Variants in GRAMD4 observed in about 807,000 individuals in gnomAD.
GRAMD4 encodes GRAM domain containing 4, also known as GRAM domain-containing protein 4.
GRAMD4 carries 25 observed loss-of-function variants against 83.9 expected under a neutral mutation model. That is an observed-to-expected ratio of 0.30 (90% confidence interval 0.22 to 0.42). GRAMD4 has a LOEUF of 0.42. GRAMD4 is among the 10% of genes least tolerant of loss of function. GRAMD4 has a pLI of 1.00. For missense variants in GRAMD4, 593 were observed against 788.7 expected (o/e 0.75, Z 2.97); for synonymous variants, 336 against 320.9 (o/e 1.05, Z -0.50).
At chr22:46,581,196 A>G (rs2081095105) in intron 1 of GRAMD4, among the ~76,000 whole-genome samples, 2 of 152,206 alleles carry the variant, frequency 1.3e-5, no homozygotes, top group South Asian at 2.1e-4. Flanking sequence ...CCCAGTGATT[A>G]AAGTCCCCTG....
At chr22:46,616,549 TGC>T (rs201466704), upstream of GRAMD4, among the ~76,000 whole-genome samples, 14 of 145,782 alleles carry the variant, frequency 9.6e-5, no homozygotes, top group South Asian at 2.3e-4. Flanking sequence ...CCCCCGTGTG[TGC>T]AGGTTCCCCT....
chr22:46,609,934 A>T (rs1360457780), intron 1 of GRAMD4, among the ~76,000 whole-genome samples: 1 of 152,136 alleles, frequency 6.6e-6, no homozygotes, highest in African/African-American at 2.4e-5. Context: ...GGCTGTTCTG[A>T]GTCGGTTCGC....
At position 46,663,178 on chromosome 22, in the gene GRAMD4, G is replaced by T. The variant is rs372297328; in HGVS notation, c.599+6G>T. ...GAACCCCTGAGCGCCCGCAGGTAGG[G>T]GTTCGCCGAGCTGGGGCTGCCTGTG... On this transcript the variant is annotated splice_donor_region_variant and intron_variant, in intron 6 of 18. Coordinates refer to ENST00000406902, the MANE Select transcript of GRAMD4 (RefSeq NM_015124.5). The T allele has an allele frequency of 5.6e-6, 9 of 1,609,328 alleles. No individual in the cohort carries two copies. Among genetic ancestry groups the T allele is most frequent in the East Asian group, 2.2e-5 (1 of 44,788 alleles).
At chr22:46,610,026 C>T (rs555983070) in intron 1 of GRAMD4, among the ~76,000 whole-genome samples, 8 of 152,258 alleles carry the variant, frequency 5.3e-5, no homozygotes, top group Admixed American at 6.5e-5. Context: ...GAGAAGCCCC[C>T]AGGCTACGGC....
intron 3 of GRAMD4, among the ~76,000 whole-genome samples, chr22:46,655,805 C>T (rs1419561231): frequency 1.3e-5 from 2 of 152,254 alleles, no homozygotes; most frequent in African/African-American, 4.8e-5. Context: ...TCTGACCCCG[C>T]CTTTGCTCAG....
intron 3 of GRAMD4, among the ~76,000 whole-genome samples, chr22:46,655,884 C>T (rs113782213): frequency 8.1e-5 from 9 of 111,482 alleles, no homozygotes; most frequent in African/African-American, 2.4e-4. Context: ...CTTCAGCTAA[C>T]GCTCTGCCTG....
intron 3 of GRAMD4, among the ~76,000 whole-genome samples, chr22:46,639,174 G>T (rs1000444894): frequency 6.6e-6 from 1 of 151,774 alleles, no homozygotes; most frequent in Non-Finnish European, 1.5e-5. Flanking sequence ...GTGTGTGTGT[G>T]TGTGTGTATG....
At chr22:46,612,987 C>T (rs968294865) in intron 1 of GRAMD4, among the ~76,000 whole-genome samples, 1 of 152,206 alleles carries the variant, frequency 6.6e-6, no homozygotes, top group South Asian at 2.1e-4. Flanking sequence ...GGTCCCTGCT[C>T]GGGAGCTCGT....
chr22:46,631,911 C>T (rs1306071819), intron 2 of GRAMD4, among the ~76,000 whole-genome samples: 3 of 65,658 alleles, frequency 4.6e-5, no homozygotes, highest in Non-Finnish European at 8.7e-5. Flanking sequence ...TAGAACCTCA[C>T]GGCCTGTGTC....
chr22:46,603,407 C>T (rs1316737687), intron 1 of GRAMD4, among the ~76,000 whole-genome samples: 3 of 150,568 alleles, frequency 2.0e-5, no homozygotes, highest in Non-Finnish European at 3.0e-5. Flanking sequence ...GACGCGGTTT[C>T]ACCGTGTTAA....
chr22:46,653,070 C>T (rs1425804816), intron 3 of GRAMD4, among the ~76,000 whole-genome samples: 2 of 152,184 alleles, frequency 1.3e-5, no homozygotes, highest in African/African-American at 2.4e-5. Flanking sequence ...GGGAGAGCAG[C>T]GGTCAGACGC....
intron 1 of GRAMD4, among the ~76,000 whole-genome samples, chr22:46,587,677 CT>C: frequency 6.6e-6 from 1 of 152,030 alleles, no homozygotes; most frequent in East Asian, 2.0e-4. Context: ...TGGGAGAAGC[CT>C]AGGCAGGCAC....
rs1378037483 is a variant in GRAMD4 at position 46,591,289 on chromosome 22, G to T, written c.-50+13999G>T. Among the ~76,000 whole-genome samples the T allele has an allele frequency of 2.6e-5, 4 of 152,324 alleles. No homozygotes were observed. The South Asian group carries it at 6.2e-4, about 24-fold the overall frequency. ...CCCAGCACTTTGAGAGGCTGAGAGG[G>T]GGAGGATTGCGTGAGCTCAGGAGTT... On this transcript the variant is annotated intron_variant, in intron 1 of 1. Transcript: ENST00000431155.
chr22:46,603,618 G>A (rs1273701053), intron 1 of GRAMD4, among the ~76,000 whole-genome samples: 3 of 140,864 alleles, frequency 2.1e-5, no homozygotes, highest in Non-Finnish European at 3.1e-5. Context: ...CCGGGTTCAC[G>A]CCATTCTCCT....
chr22:46,667,540 T>G (rs1241677409), intron 10 of GRAMD4, among the ~76,000 whole-genome samples: 1 of 152,182 alleles, frequency 6.6e-6, no homozygotes, highest in Non-Finnish European at 1.5e-5. Context: ...AGAAGTCTGC[T>G]CTAGAGGGAG....
At chr22:46,668,066 TG>T in intron 10 of GRAMD4, 29 bp from the exon 11 acceptor site, 1 of 1,501,174 alleles carries the variant, frequency 6.7e-7, no homozygotes, top group Non-Finnish European at 9.3e-7. Context: ...TAAATTTCAG[TG>T]GAAAATTCTC....
intron 3 of GRAMD4, among the ~76,000 whole-genome samples, chr22:46,649,507 C>A (rs1010068281): frequency 4.6e-5 from 7 of 152,196 alleles, no homozygotes; most frequent in African/African-American, 1.4e-4. Context: ...GGCTGGGATC[C>A]TAGTTCTTCT....
In GRAMD4 at chr22:46,672,910, C is replaced by T; in HGVS notation, c.1152C>T (p.Ala384=). Residue 384 remains alanine (A), a synonymous_variant, in exon 14 of 19, where the codon GCC becomes GCT. Coordinates refer to ENST00000406902, the MANE Select transcript of GRAMD4 (RefSeq NM_015124.5). This position sits in a 1 kb window ranked among gnomAD's most constrained non-coding sequence, Gnocchi z 4.7. ...TTAAACGCTGCCCGAGGCTGCGCGC[C>T]AAGTACGACACGCCCTATATCATCT... The part of the protein sequence containing the change: ...FIFKRCPRLR[A]KYDTPYIIWR... 6.2e-7 allele frequency: 1 copy of T among 1,612,214 alleles called. No individual in the cohort carries two copies. The highest frequency in any genetic ancestry group is 8.5e-7 in the Non-Finnish European group (1 of 1,179,472).
intron 2 of GRAMD4, among the ~76,000 whole-genome samples, chr22:46,632,615 A>G (rs2081792318): frequency 6.6e-6 from 1 of 152,176 alleles, no homozygotes; most frequent in African/African-American, 2.4e-5. Context: ...AGAAGGATTC[A>G]GACCCCAGCA....
Sources: allele counts gnomAD v4.1 joint callset (sites outside exome capture counted in the v4.1 genomes callset), GRCh38; gene constraint gnomAD v4.1.1; non-coding constraint Gnocchi (gnomAD v3.1); transcripts MANE v1.5; gene names NCBI Gene and HGNC (gene_info 2026-07-23, HGNC 2026-07-21).